GLIPR1: variants seen among roughly 807,000 people sequenced by gnomAD.
The protein encoded by GLIPR1 is GLI pathogenesis related 1, also known as glioma pathogenesis-related protein 1.
GLIPR1 carries 38 observed loss-of-function variants against 30.3 expected under a neutral mutation model. The observed-to-expected ratio is 1.26, with a 90% CI of 0.97 to 1.65. The LOEUF is 1.65. GLIPR1 is among the 40% of genes most tolerant of loss of function. GLIPR1 has a pLI of 0.00. For missense variants in GLIPR1, 285 were observed against 326.5 expected, an observed-to-expected ratio of 0.87 and a Z score of 0.98; for synonymous variants, 122 against 110.6, an observed-to-expected ratio of 1.10 and a Z score of -0.65.
intron 2 of GLIPR1, chr12:75,484,125 A>T (rs1224890904): frequency 6.6e-6 from 1 of 152,166 alleles, no homozygotes; most frequent in East Asian, 1.9e-4. Flanking sequence ...ATTTTCTAAA[A>T]CCCAGTCCCA....
In GLIPR1 at chr12:75,481,923, G is replaced by A. The variant is rs143594819; in HGVS notation, c.264G>A (p.Lys88=). Residue 88 remains lysine (K), a synonymous_variant, in exon 2 of 6, where the codon AAG becomes AAA. Transcript: ENST00000266659. ...SHNTRLKPPH[K]LHPNFTSLGE... Reference sequence around the variant, plus strand: ...ATACACGGCTGAAGCCACCCCACAAGCTGCACCCAAACTTCACTTCACTGG... The same window carrying A: ...ATACACGGCTGAAGCCACCCCACAAACTGCACCCAAACTTCACTTCACTGG... 2 of 1,614,024 alleles carry A rather than the reference G, an allele frequency of 1.2e-6. No homozygotes were observed. Among genetic ancestry groups the A allele is most frequent in the Non-Finnish European group, 8.5e-7 (1 of 1,180,014 alleles).
In GLIPR1 at chr12:75,501,941, C is replaced by T. The variant is rs146277849; in HGVS notation, c.*2963C>T. 3.7e-5 allele frequency: 60 copies of T among 1,612,610 alleles called. No homozygotes were observed. In the African/African-American group the frequency reaches 6.4e-4, roughly 17 times the overall value. On this transcript the variant is annotated 3_prime_UTR_variant, in exon 6 of 6. Coordinates refer to ENST00000266659, the MANE Select transcript of GLIPR1 (RefSeq NM_006851.3). ...GCCGTACCTTTATTGCTTCCATTTTCTGCCGCTTCTTCTGATTTGCCTTCA... is the reference window on the plus strand; with the variant it reads ...GCCGTACCTTTATTGCTTCCATTTTTTGCCGCTTCTTCTGATTTGCCTTCA...
chr12:75,498,910 C>T lies in GLIPR1; in HGVS notation c.733C>T (p.Leu245=), dbSNP rs1566101634. The T allele has an allele frequency of 3.1e-6, 5 of 1,600,430 alleles. No homozygotes were observed. Among genetic ancestry groups the T allele is most frequent in the Non-Finnish European group, 3.4e-6 (4 of 1,168,066 alleles). ...SLFLIVNSVI[L]ILSVIITILV... is the part of the protein sequence containing the mutation. ...CTTTCTCATTGTTAATTCAGTAATT[C>T]TAATACTGTCTGTTATAATTACCAT... Residue 245 remains leucine (L), a synonymous_variant, in exon 6 of 6, where the codon CTA becomes TTA. Coordinates refer to ENST00000266659, the MANE Select transcript of GLIPR1 (RefSeq NM_006851.3).
Position 75,498,989 on chromosome 12 carries a change from G to A in GLIPR1, c.*11G>A, listed in dbSNP as rs1181672664. 2.6e-6 allele frequency: 4 copies of A among 1,524,854 alleles called. No homozygotes were observed. The highest frequency in any genetic ancestry group is 2.3e-5 in the East Asian group (1 of 42,612). The allele number at this position is 1,524,854 out of a possible 1,614,324, so 94.5% of individuals were successfully genotyped here. On this transcript the variant is annotated 3_prime_UTR_variant, in exon 6 of 6. Transcript: ENST00000266659. ...GTTCTTTTGGACTAATACAATTCAG[G>A]AAAGAAAAAACCCAAAAACCAACCT...
intron 1 of GLIPR1, 49 bp downstream of exon 1, chr12:75,481,103 A>C: frequency 1.4e-6 from 2 of 1,414,372 alleles, no homozygotes; most frequent in Non-Finnish European, 2.0e-6. Flanking sequence ...GAAACAACTA[A>C]TGTGTATTGA....
chr12:75,501,370 T>G lies in GLIPR1; in HGVS notation c.*2392T>G, dbSNP rs2120596491. 1 of 189,418 alleles carries G rather than the reference T, an allele frequency of 5.3e-6. No individual in the cohort carries two copies. The highest frequency in any genetic ancestry group is 1.4e-4 in the East Asian group (1 of 7,198). The allele number at this position is 189,418 out of a possible 1,614,324, so 11.7% of individuals were successfully genotyped here. On this transcript the variant is annotated 3_prime_UTR_variant, in exon 6 of 6. Coordinates refer to ENST00000266659, the MANE Select transcript of GLIPR1 (RefSeq NM_006851.3). ...ACATAAAGAGAAGAAAAAGTACAAC[T>G]TCTGATAATTCCTCTTTGAGAGGCA... is the stretch of plus-strand genomic sequence containing the variant.
intron 3 of GLIPR1, 62 bp downstream of exon 3, chr12:75,490,580 CAACAA>C (rs2046318003): frequency 4.2e-6 from 1 of 237,512 alleles, no homozygotes; most frequent in African/African-American, 1.4e-4. Flanking sequence ...AAAAAAACAA[CAACAA>C]AAAAAAACAT....
chr12:75,481,146 A>C (rs1566094292), intron 1 of GLIPR1, 92 bp downstream of exon 1: 2 of 874,240 alleles, frequency 2.3e-6, no homozygotes, highest in East Asian at 2.7e-5. Flanking sequence ...ATACTGAATG[A>C]TTTTTTTTTC....
intron 3 of GLIPR1, chr12:75,495,156 C>T (rs2046343019): frequency 6.6e-6 from 1 of 152,670 alleles, no homozygotes. Flanking sequence ...CATAGCTTTT[C>T]TAAGATGGAC....
In GLIPR1 at chr12:75,502,330, G is replaced by C. The variant is rs2046399888; in HGVS notation, c.*3352G>C. 2 of 199,860 alleles carry C rather than the reference G, an allele frequency of 1.0e-5. No individual in the cohort carries two copies. Among genetic ancestry groups the C allele is most frequent in the African/African-American group, 4.7e-5 (2 of 42,886 alleles). 12.4% of individuals were successfully genotyped at this position (199,860 alleles called of 1,614,324 possible). ...CTTCAATGGCAGACAAAGTAGGAGG[G>C]ATAAGATTTAGAAATGACTGTAGGT... On this transcript the variant is annotated 3_prime_UTR_variant, in exon 6 of 6. Transcript: ENST00000266659.
intron 3 of GLIPR1, chr12:75,492,579 GTATT>G (rs1161802891): frequency 6.6e-6 from 1 of 152,150 alleles, no homozygotes; most frequent in African/African-American, 2.4e-5. Context: ...TGTTTTGTAA[GTATT>G]CATGATTTTT....
chr12:75,501,928 T>C lies in GLIPR1; in HGVS notation c.*2950T>C, dbSNP rs535120586. 9.4e-5 allele frequency: 152 copies of C among 1,612,618 alleles called. No homozygotes were observed. The highest frequency in any genetic ancestry group is 1.2e-4 in the Non-Finnish European group (145 of 1,179,028). ...CCAGACATAAAGTGCCGTACCTTTA[T>C]TGCTTCCATTTTCTGCCGCTTCTTC... is the stretch of plus-strand genomic sequence containing the variant. On this transcript the variant is annotated 3_prime_UTR_variant, in exon 6 of 6. Transcript: ENST00000266659.
chr12:75,482,704 A>T (rs1019735251), intron 2 of GLIPR1, among the ~76,000 whole-genome samples: 4 of 145,226 alleles, frequency 2.8e-5, no homozygotes, highest in Non-Finnish European at 6.0e-5. Flanking sequence ...ATTCAGAGCC[A>T]CCCATTGAGT....
intron 2 of GLIPR1, chr12:75,484,280 G>A (rs1178370944): frequency 6.6e-6 from 1 of 152,192 alleles, no homozygotes; most frequent in Non-Finnish European, 1.5e-5. Flanking sequence ...GGAAGATAGA[G>A]CAGCAGCAAT....
intron 4 of GLIPR1, chr12:75,497,785 C>T (rs2120570545): frequency 6.6e-6 from 1 of 152,204 alleles, no homozygotes; most frequent in South Asian, 2.1e-4. Flanking sequence ...CAAATCAGGA[C>T]TGTTTTACAA....
Position 75,503,410 on chromosome 12 carries a change from A to G in GLIPR1, c.*4432A>G, listed in dbSNP as rs2046407418. On this transcript the variant is annotated 3_prime_UTR_variant, in exon 6 of 6. Transcript: ENST00000266659. ...TTGCTGAGAAGGTGGGACAGAAGTAAAAAGGGGCATGAATCAAAACAATGA... is the reference window on the plus strand; with the variant it reads ...TTGCTGAGAAGGTGGGACAGAAGTAGAAAGGGGCATGAATCAAAACAATGA... 6.6e-6 allele frequency: 1 copy of G among 152,170 alleles called. No homozygotes were observed. Among genetic ancestry groups the G allele is most frequent in the African/African-American group, 2.4e-5 (1 of 41,438 alleles). The allele number at this position is 152,170 out of a possible 1,614,324, so 9.4% of individuals were successfully genotyped here.
Position 75,503,848 on chromosome 12 carries a change from A to G in GLIPR1, c.*4870A>G. ...TGAAATACTTTCAATAAAGTTTCTG[A>G]CCAAATACATTAAAATAGATTCTCC... On this transcript the variant is annotated 3_prime_UTR_variant, in exon 6 of 6. Coordinates refer to ENST00000266659, the MANE Select transcript of GLIPR1 (RefSeq NM_006851.3). 1 of 1,473,910 alleles carries G rather than the reference A, an allele frequency of 6.8e-7. No individual in the cohort carries two copies. The highest frequency in any genetic ancestry group is 2.3e-5 in the East Asian group (1 of 43,116). 91.3% of individuals were successfully genotyped at this position (1,473,910 alleles called of 1,614,324 possible).
At chr12:75,498,665 T>A in intron 4 of GLIPR1, 29 bp from the exon 5 acceptor site, 3 of 1,595,924 alleles carry the variant, frequency 1.9e-6, no homozygotes, top group East Asian at 2.2e-5. Flanking sequence ...CCTTTTAATT[T>A]TTTTTCTTTC....
At chr12:75,485,341 T>C (rs906470812) in intron 2 of GLIPR1, among the ~76,000 whole-genome samples, 8 of 152,328 alleles carry the variant, frequency 5.3e-5, no homozygotes, top group Admixed American at 4.6e-4. Context: ...AAATGGAAGA[T>C]GACTCAAATT....
Sources: gnomAD v4.1 joint callset for allele counts (sites outside exome capture counted in the v4.1 genomes callset) on GRCh38, gnomAD v4.1.1 for gene constraint, MANE v1.5 for transcripts, NCBI Gene and HGNC (gene_info 2026-07-23, HGNC 2026-07-21) for gene names.